Variants in DNAH5 observed in about 807,000 individuals in gnomAD.
DNAH5 encodes axonemal beta dynein heavy chain 5.
DNAH5 carries 372 observed loss-of-function variants against 518.2 expected under a neutral mutation model. The ratio of observed to expected loss-of-function variants is 0.72; its 90% CI spans 0.66 to 0.78. The LOEUF is 0.78. DNAH5 is among the 30% of genes least tolerant of loss of function. The pLI, the probability that DNAH5 is intolerant of heterozygous loss-of-function variation, is 0.00. For synonymous variants in DNAH5, 2,039 were observed against 2,025.9 expected (o/e 1.01, Z -0.17); for missense variants, 5,523 against 5,687.0 (o/e 0.97, Z 0.93).
intron 67 of DNAH5, 108 bp from the exon 68 acceptor site, chr5:13,735,429 AT>A: frequency 9.6e-7 from 1 of 1,046,082 alleles, no homozygotes; most frequent in Non-Finnish European, 1.4e-6. Flanking sequence ...AAGAATTCTT[AT>A]TTTTACACAT....
intron 52 of DNAH5, 36 bp from the exon 53 acceptor site, chr5:13,780,995 A>T (rs776036369): frequency 1.9e-6 from 3 of 1,609,298 alleles, no homozygotes; most frequent in Non-Finnish European, 2.5e-6. Flanking sequence ...GTATCTTTCA[A>T]CATGTAAATG....
At chr5:13,808,949 G>C in intron 46 of DNAH5, 95 bp downstream of exon 46, 5 of 1,486,624 alleles carry the variant, frequency 3.4e-6, no homozygotes, top group Non-Finnish European at 4.7e-6. Flanking sequence ...GACAGAGTGA[G>C]ACTCCGTCTC....
chr5:13,819,636 A>G (rs976650962), intron 41 of DNAH5, among the ~76,000 whole-genome samples: 1 of 152,164 alleles, frequency 6.6e-6, no homozygotes, highest in African/African-American at 2.4e-5. Context: ...GAATGTCTAC[A>G]GGATGCCAAT....
intron 65 of DNAH5, among the ~76,000 whole-genome samples, chr5:13,749,520 T>G (rs1260760517): frequency 6.6e-6 from 1 of 152,170 alleles, no homozygotes; most frequent in East Asian, 1.9e-4. Flanking sequence ...TTATTTTTGT[T>G]TTTGTTGTTG....
chr5:13,856,659 T>C (rs1767678066), intron 30 of DNAH5, among the ~76,000 whole-genome samples: 1 of 152,102 alleles, frequency 6.6e-6, no homozygotes. Context: ...ATTAAAAAGG[T>C]TATCCACCAC....
chr5:13,908,127 A>G (rs1266744218), intron 12 of DNAH5, among the ~76,000 whole-genome samples: 7 of 152,194 alleles, frequency 4.6e-5, no homozygotes, highest in Non-Finnish European at 1.0e-4. Flanking sequence ...AAACTGAAGG[A>G]GCTGGAAGCC....
At chr5:13,807,352 C>T (rs991255814) in intron 47 of DNAH5, among the ~76,000 whole-genome samples, 7 of 152,082 alleles carry the variant, frequency 4.6e-5, no homozygotes, top group Admixed American at 1.3e-4. Context: ...TATTTTAAAC[C>T]GCATTGAGGC....
chr5:13,796,848 CAGAG>C (rs916045011), intron 47 of DNAH5, among the ~76,000 whole-genome samples: 1 of 152,148 alleles, frequency 6.6e-6, no homozygotes, highest in African/African-American at 2.4e-5. Context: ...GGTACCAAAA[CAGAG>C]AGATAGACCA....
chr5:13,880,651 T>C (rs1771529672), intron 21 of DNAH5, among the ~76,000 whole-genome samples: 1 of 151,958 alleles, frequency 6.6e-6, no homozygotes, highest in South Asian at 2.1e-4. Flanking sequence ...AGATGTTTTA[T>C]GTAAGCCTCA....
At chr5:13,830,496 G>A (rs1763520841) in intron 36 of DNAH5, 101 bp downstream of exon 36, 1 of 1,429,180 alleles carries the variant, frequency 7.0e-7, no homozygotes, top group Non-Finnish European at 9.8e-7. Context: ...TTACAAAGTT[G>A]AAAATGATTC....
chr5:13,790,576 G>A (rs1172561249), intron 50 of DNAH5, among the ~76,000 whole-genome samples: 5 of 152,140 alleles, frequency 3.3e-5, no homozygotes, highest in Non-Finnish European at 7.4e-5. Context: ...TTTCCCCCAT[G>A]GTGTTCTCCT....
At position 13,814,677 on chromosome 5, in the gene DNAH5, A is replaced by G. The variant is rs1761206699; in HGVS notation, c.7158T>C (p.Ser2386=). ...TTCCATTTCTTGAGACGGTGGCAGG[A>G]GAAGCATTGTCAATGTTATGAGGCT... ...IFEPHNIDNA[S]PATVSRNGMV... is the part of the protein sequence containing the mutation. Residue 2386 remains serine, a synonymous_variant, in exon 43 of 79, where the codon TCT becomes TCC. Coordinates refer to ENST00000265104, the MANE Select transcript of DNAH5 (RefSeq NM_001369.3). 1.2e-6 allele frequency: 2 copies of G among 1,614,014 alleles called. No individual in the cohort carries two copies. The highest frequency in any genetic ancestry group is 1.3e-5 in the African/African-American group (1 of 74,944).
At chr5:13,703,401 A>AGGTT (rs1424551388) in intron 76 of DNAH5, among the ~76,000 whole-genome samples, 2 of 105,306 alleles carry the variant, frequency 1.9e-5, no homozygotes, top group African/African-American at 3.4e-5. Flanking sequence ...AGTGTACCCC[A>AGGTT]AGTTAGCCCA....
At chr5:13,783,314 C>T (rs540310556) in intron 52 of DNAH5, among the ~76,000 whole-genome samples, 15 of 152,214 alleles carry the variant, frequency 9.9e-5, no homozygotes, top group African/African-American at 3.6e-4. Context: ...ATTTGGGGGA[C>T]TTGATTAAAT....
At chr5:13,728,282 T>C (rs1746028136) in intron 69 of DNAH5, among the ~76,000 whole-genome samples, 1 of 152,170 alleles carries the variant, frequency 6.6e-6, no homozygotes, top group African/African-American at 2.4e-5. Flanking sequence ...AGGAATTACA[T>C]GGTAAGCAGA....
Position 13,775,972 on chromosome 5 carries a change from C to CA in DNAH5, c.9373+466dup, listed in dbSNP as rs369053509. 5.5e-3 allele frequency among the ~76,000 whole-genome samples: 585 copies of CA among 106,578 alleles called. 4 individuals carry two copies. The highest frequency in any genetic ancestry group is 0.019 in the Middle Eastern group (3 of 158). 69.9% of individuals were successfully genotyped at this position (106,578 alleles called of 152,430 possible). A position where few individuals can be genotyped will look rare whatever the true frequency, so the allele number is the denominator to read the frequency against. Reference sequence around the variant, plus strand: ...CAGACAATTTCTCACCAAAAGCTTTCAAAAAAAAAAAAAAAAAGCTAAATG... The same window carrying CA: ...CAGACAATTTCTCACCAAAAGCTTTCAAAAAAAAAAAAAAAAAAGCTAAATG... On this transcript the variant is annotated intron_variant, in intron 55 of 78. Coordinates refer to ENST00000265104, the MANE Select transcript of DNAH5 (RefSeq NM_001369.3).
chr5:13,726,797 A>G lies in DNAH5; in HGVS notation c.12033+710T>C, dbSNP rs535794018. The stretch of plus-strand genomic sequence containing the variant: ...AGGAGAAAATATCTTACATTCTATT[A>G]TAAACCCAAGGCTATTGCTACTCCA... On this transcript the variant is annotated intron_variant, in intron 70 of 78. Transcript: ENST00000265104. 9.9e-4 allele frequency among the ~76,000 whole-genome samples: 151 copies of G among 152,222 alleles called. 2 individuals are homozygous for G. The highest frequency in any genetic ancestry group is 1.6e-3 in the Non-Finnish European group (111 of 68,042).
intron 59 of DNAH5, among the ~76,000 whole-genome samples, chr5:13,765,317 G>C (rs1002105537): frequency 2.6e-5 from 4 of 151,904 alleles, no homozygotes; most frequent in Non-Finnish European, 5.9e-5. Context: ...AAAAAAGAAA[G>C]ACTGTCATTT....
intron 71 of DNAH5, 95 bp from the exon 72 acceptor site, chr5:13,719,196 T>G (rs567520790): frequency 1.4e-5 from 14 of 1,003,688 alleles, no homozygotes; most frequent in Non-Finnish European, 2.1e-5. Flanking sequence ...TAAAATTTAA[T>G]AGGAAAACAC....
Sources: allele counts gnomAD v4.1 joint callset (sites outside exome capture counted in the v4.1 genomes callset), GRCh38; gene constraint gnomAD v4.1.1; transcripts MANE v1.5; gene names NCBI Gene and HGNC (gene_info 2026-07-23, HGNC 2026-07-21).